Variants in DLG5 observed in about 807,000 individuals in gnomAD.
DLG5 encodes the protein disks large homolog 5.
DLG5 carries 48 observed loss-of-function variants against 189.8 expected under a neutral mutation model. The observed-to-expected ratio is 0.25, with a 90% CI of 0.20 to 0.32. The LOEUF (loss-of-function observed/expected upper bound fraction) is 0.32. Ranked by LOEUF, DLG5 falls within the 10% of genes least tolerant of loss-of-function variation. DLG5 has a pLI of 1.00. For synonymous variants in DLG5, 1,016 were observed against 1,054.1 expected (o/e 0.96, Z 0.70); for missense variants, 2,160 against 2,544.7 (o/e 0.85, Z 3.25).
intron 31 of DLG5, 155 bp downstream of exon 31, chr10:77,793,852 GC>G: frequency 1.5e-6 from 1 of 651,594 alleles, no homozygotes; most frequent in South Asian, 1.8e-5. Context: ...GCCAGGGACT[GC>G]AATCTGAACA....
At chr10:77,885,224 TAGATGCCTACGCTC>T (rs775389822) in intron 1 of DLG5, among the ~76,000 whole-genome samples, 249 of 152,318 alleles carry the variant, frequency 1.6e-3, no homozygotes, top group Non-Finnish European at 2.6e-3. Flanking sequence ...AGCCCATTCT[TAGATGCCTACGCTC>T]AGAAAACAGG....
At chr10:77,933,709 G>T in the DLG5 span, among the ~76,000 whole-genome samples, 2 of 151,540 alleles carry the variant, frequency 1.3e-5, no homozygotes, top group African/African-American at 4.9e-5. Context: ...GGGTAACAGA[G>T]TAAGACTCTG....
intron 2 of DLG5, among the ~76,000 whole-genome samples, chr10:77,862,273 G>A (rs1343177388): frequency 6.6e-6 from 1 of 151,980 alleles, no homozygotes; most frequent in Non-Finnish European, 1.5e-5. Flanking sequence ...GCCCTCTACT[G>A]AGTTAATCTG....
chr10:77,825,374 C>CCACACA (rs59102694), intron 13 of DLG5, among the ~76,000 whole-genome samples: 2,358 of 130,878 alleles, frequency 0.018, 81 homozygotes, highest in East Asian at 0.096. Context: ...CCACACACAA[C>CCACACA]CACACACACA....
intron 2 of DLG5, chr10:77,868,779 G>T (rs1844787707): frequency 3.3e-6 from 1 of 304,272 alleles, no homozygotes; most frequent in African/African-American, 2.3e-5. Context: ...CTATCCCCAA[G>T]GAAACTCCAA....
chr10:77,808,199 T>C (rs1330270074), intron 24 of DLG5, among the ~76,000 whole-genome samples: 1 of 152,230 alleles, frequency 6.6e-6, no homozygotes, highest in African/African-American at 2.4e-5. Flanking sequence ...GGAAAAACCC[T>C]GTTCTGGTGA....
intron 1 of DLG5, among the ~76,000 whole-genome samples, chr10:77,886,454 C>T (rs1210054217): frequency 6.6e-6 from 1 of 151,586 alleles, no homozygotes; most frequent in Non-Finnish European, 1.5e-5. Flanking sequence ...GCAACCTCCA[C>T]CTCCCAGGTT....
intron 1 of DLG5, among the ~76,000 whole-genome samples, chr10:77,917,542 A>AAG (rs1244907176): frequency 6.6e-6 from 1 of 151,706 alleles, no homozygotes; most frequent in Non-Finnish European, 1.5e-5. Flanking sequence ...AAAAAGAAGA[A>AAG]AGAGAGAGAG....
At position 77,898,936 on chromosome 10, in the gene DLG5, C is replaced by T. The variant is rs1227528463; in HGVS notation, c.304+27281G>A. On this transcript the variant is annotated intron_variant, in intron 1 of 31. Coordinates refer to ENST00000372391, the MANE Select transcript of DLG5 (RefSeq NM_004747.4). The stretch of plus-strand genomic sequence containing the variant: ...CAGATGCGGCAAAGAGGTTTGCAGC[C>T]CAGGACAGCTGTTATCAACTAGCCA... 2.6e-5 allele frequency among the ~76,000 whole-genome samples: 4 copies of T among 152,168 alleles called. No individual in the cohort carries two copies. The South Asian group carries it at 8.3e-4, about 31-fold the overall frequency.
At position 77,821,151 on chromosome 10, in the gene DLG5, G is replaced by A. The variant is rs146249550; in HGVS notation, c.3333C>T (p.Arg1111=). The change falls in exon 15 of 32, where the codon CGC becomes CGT. Residue 1111 remains arginine (R), a synonymous_variant. Transcript: ENST00000372391. ...QKVDELGQKR[R]RPKSAPSFRP... ...GAAAACTGGGAGCAGATTTTGGCCG[G>A]CGACGCTTCTGCCCCAGCTCATCCA... 8.4e-5 allele frequency: 136 copies of A among 1,614,140 alleles called. No homozygotes were observed. In the African/African-American group the frequency reaches 1.6e-3, roughly 18 times the overall value.
At chr10:77,804,248 G>A (rs1337740444) in intron 27 of DLG5, among the ~76,000 whole-genome samples, 1 of 152,088 alleles carries the variant, frequency 6.6e-6, no homozygotes, top group Non-Finnish European at 1.5e-5. Context: ...AAGGCAAAAC[G>A]GCAAAATTAA....
At position 77,918,315 on chromosome 10, in the gene DLG5, AAGG is replaced by A. The variant is rs1846429733; in HGVS notation, c.304+7899_304+7901del. ...GTAGTCCCAGCTACTTGGGAGGCTG[AAGG>A]AGGAGAATTGCTGCAACTGGGGAGG... On this transcript the variant is annotated intron_variant, in intron 1 of 31. Coordinates refer to ENST00000372391, the MANE Select transcript of DLG5 (RefSeq NM_004747.4). Among the ~76,000 whole-genome samples the A allele has an allele frequency of 3.9e-5, 6 of 151,996 alleles. No individual in the cohort carries two copies. In the East Asian group the frequency reaches 1.2e-3, roughly 30 times the overall value.
chr10:77,798,346 G>C (rs866242424), intron 27 of DLG5, among the ~76,000 whole-genome samples: 11 of 152,102 alleles, frequency 7.2e-5, no homozygotes, highest in Admixed American at 4.6e-4. Flanking sequence ...ATGTGGTCCC[G>C]AGTGAAGGCT....
intron 1 of DLG5, among the ~76,000 whole-genome samples, chr10:77,872,641 T>C (rs1844946790): frequency 6.6e-6 from 1 of 152,128 alleles, no homozygotes; most frequent in Non-Finnish European, 1.5e-5. Context: ...ATGCTTTGTC[T>C]CTGCGGTTAT....
At chr10:77,904,728 T>C (rs576240684) in intron 1 of DLG5, among the ~76,000 whole-genome samples, 3 of 151,734 alleles carry the variant, frequency 2.0e-5, no homozygotes, top group Non-Finnish European at 2.9e-5. Context: ...CTCCCAGCCA[T>C]GTGGAACTGT....
At chr10:77,816,407 T>G in intron 20 of DLG5, 144 bp downstream of exon 20, 1 of 1,306,234 alleles carries the variant, frequency 7.7e-7, no homozygotes, top group Non-Finnish European at 1.1e-6. Context: ...CCATGGCACT[T>G]ACTGGTGACA....
chr10:77,919,584 CTTTTTTT>C (rs71030919), intron 1 of DLG5, among the ~76,000 whole-genome samples: 14 of 67,732 alleles, frequency 2.1e-4, no homozygotes, highest in Admixed American at 4.3e-4. Context: ...CAGTTCAGGG[CTTTTTTT>C]TTTTTTTTTT....
intron 8 of DLG5, among the ~76,000 whole-genome samples, chr10:77,834,384 G>T (rs1004037037): frequency 6.6e-6 from 1 of 152,090 alleles, no homozygotes; most frequent in Non-Finnish European, 1.5e-5. Context: ...GAGCCAGGGG[G>T]TGGCTCTCCT....
chr10:77,853,435 C>T lies in DLG5; in HGVS notation c.783G>A (p.Leu261=), dbSNP rs779577666. The part of the protein sequence containing the change: ...NGQLLRERNL[L]QQSWEDMKRL... ...GCTTCATGTCCTCCCATGACTGCTG[C>T]AGCAGGTTTCGCTCCCGCAGCAGCT... Residue 261 remains leucine, a synonymous_variant, in exon 5 of 32, where the codon CTG becomes CTA. Coordinates refer to ENST00000372391, the MANE Select transcript of DLG5 (RefSeq NM_004747.4). The T allele has an allele frequency of 1.1e-5, 17 of 1,610,346 alleles. No individual in the cohort carries two copies. Among genetic ancestry groups the T allele is most frequent in the Non-Finnish European group, 1.4e-5 (17 of 1,178,480 alleles).
Sources: gnomAD v4.1 joint callset for allele counts (sites outside exome capture counted in the v4.1 genomes callset) on GRCh38, gnomAD v4.1.1 for gene constraint, MANE v1.5 for transcripts, NCBI Gene and HGNC (gene_info 2026-07-23, HGNC 2026-07-21) for gene names.